The following ZNF136 variants were observed in gnomAD, a reference collection of about 807,000 sequenced individuals.
ZNF136 encodes the protein zinc finger protein 136, also known as zinc finger protein 136 (clone pHZ-20).
A neutral mutation model predicts 11.4 loss-of-function variants in ZNF136; 8 were observed. The observed-to-expected ratio is 0.70, with a 90% CI of 0.41 to 1.27. The LOEUF (loss-of-function observed/expected upper bound fraction) is 1.27. ZNF136 is among the 50% of genes most tolerant of loss of function. The pLI, the probability that ZNF136 is intolerant of heterozygous loss-of-function variation, is 0.01. For synonymous variants in ZNF136, 190 were observed against 207.1 expected (o/e 0.92, Z 0.71); for missense variants, 590 against 656.5 (o/e 0.90, Z 1.11).
chr19:12,179,616 G>T (rs928616097), intron 1 of ZNF136, among the ~76,000 whole-genome samples: 2 of 151,674 alleles, frequency 1.3e-5, no homozygotes, highest in African/African-American at 4.8e-5. Flanking sequence ...CAGCCCAAAA[G>T]AATTTCTTCT....
rs757168231 is a variant in ZNF136 at position 12,186,617 on chromosome 19, G to A, written c.239G>A (p.Arg80His). The A allele has an allele frequency of 3.4e-5, 55 of 1,614,074 alleles. No individual in the cohort carries two copies. In the Middle Eastern group the frequency reaches 4.9e-4, roughly 15 times the overall value. Residue 80 changes from arginine to histidine, a missense_variant, in exon 4 of 4, where the codon CGT becomes CAT. Arg to His is a conservative substitution (Grantham distance 29). Transcript: ENST00000343979. ...TATCAAACTAAGGATGGTAGTCAGCGTGGAGGAATTTTTAGCCAGTTTGCA... is the reference window on the plus strand; with the variant it reads ...TATCAAACTAAGGATGGTAGTCAGCATGGAGGAATTTTTAGCCAGTTTGCA... ...RLYQTKDGSQRGGIFSQFANQ... is the reference protein window; with the variant it reads ...RLYQTKDGSQHGGIFSQFANQ...
intron 1 of ZNF136, chr19:12,185,498 G>A (rs1441773569): frequency 3.8e-6 from 1 of 261,054 alleles, no homozygotes; most frequent in Admixed American, 5.3e-5. Flanking sequence ...CGTTATGACA[G>A]GTTCTACAGG....
intron 1 of ZNF136, among the ~76,000 whole-genome samples, chr19:12,176,654 G>T (rs553614970): frequency 1.3e-3 from 204 of 152,130 alleles, no homozygotes; most frequent in Non-Finnish European, 2.2e-3. Context: ...CTCCTTTTTT[G>T]TAACAGATCT....
At chr19:12,178,638 A>C (rs1267105504) in intron 1 of ZNF136, among the ~76,000 whole-genome samples, 1 of 152,320 alleles carries the variant, frequency 6.6e-6, no homozygotes, top group Non-Finnish European at 1.5e-5. Context: ...TTCCATTGCA[A>C]TCATGGATCA....
chr19:12,176,533 G>T lies in ZNF136; in HGVS notation c.4-9252G>T, dbSNP rs143809871. Reference sequence around the variant, plus strand: ...GTAGAGATGGGTTTTCACCATGTTGGCCAGGCTGGTCTCAAACTCCTGACC... The same window carrying T: ...GTAGAGATGGGTTTTCACCATGTTGTCCAGGCTGGTCTCAAACTCCTGACC... On this transcript the variant is annotated intron_variant, in intron 1 of 3. Transcript: ENST00000343979. Among the ~76,000 whole-genome samples the T allele has an allele frequency of 8.0e-3, 1,220 of 152,080 alleles. 5 individuals carry two copies. The highest frequency in any genetic ancestry group is 0.012 in the Non-Finnish European group (784 of 67,990).
intron 1 of ZNF136, among the ~76,000 whole-genome samples, chr19:12,182,315 A>G (rs1435771836): frequency 6.6e-6 from 1 of 152,158 alleles, no homozygotes; most frequent in Non-Finnish European, 1.5e-5. Flanking sequence ...CCCTTTGGAA[A>G]CTTTGCAGGG....
intron 1 of ZNF136, among the ~76,000 whole-genome samples, chr19:12,170,643 A>G (rs1297483797): frequency 6.6e-6 from 1 of 150,614 alleles, no homozygotes; most frequent in Non-Finnish European, 1.5e-5. Flanking sequence ...GGCATGAGCC[A>G]CTGTGCCCAG....
chr19:12,171,838 G>A (rs974640585), intron 1 of ZNF136, among the ~76,000 whole-genome samples: 1 of 151,954 alleles, frequency 6.6e-6, no homozygotes, highest in African/African-American at 2.4e-5. Context: ...TCTAGAGAGT[G>A]TATATTTAGG....
intron 1 of ZNF136, 126 bp downstream of exon 1, chr19:12,163,332 C>T: frequency 8.2e-7 from 1 of 1,215,708 alleles, no homozygotes; most frequent in Non-Finnish European, 1.1e-6. Context: ...GTCCCTCTGG[C>T]GCAGCTCAGC....
At position 12,170,076 on chromosome 19, in the gene ZNF136, G is replaced by A. The variant is rs979466860; in HGVS notation, c.3+6870G>A. 4.1e-5 allele frequency among the ~76,000 whole-genome samples: 6 copies of A among 145,128 alleles called. No homozygotes were observed. In the South Asian group the frequency reaches 8.9e-4, roughly 22 times the overall value. On this transcript the variant is annotated intron_variant, in intron 1 of 3. Transcript: ENST00000343979. ...CCCAAAGTGCTGGGATTACAGGCGT[G>A]AGCCACCACGCCCGGCCATTTTTTT... is the stretch of plus-strand genomic sequence containing the variant.
In ZNF136 at chr19:12,187,647, A is replaced by C. The variant is rs1266837509; in HGVS notation, c.1269A>C (p.Lys423Asn). The C allele has an allele frequency of 1.9e-6, 3 of 1,613,920 alleles. No individual in the cohort carries two copies. Among genetic ancestry groups the C allele is most frequent in the Non-Finnish European group, 2.5e-6 (3 of 1,179,998 alleles). The change falls in exon 4 of 4, where the codon AAA becomes AAC. Residue 423 changes from lysine to asparagine, a missense_variant. By Grantham distance (94) the Lys-to-Asn change is moderately conservative. Coordinates refer to ENST00000343979, the MANE Select transcript of ZNF136 (RefSeq NM_003437.5). ...THTGEKPYVC[K>N]HCGKAFVSST... ...CTGGAGAGAAACCTTATGTATGTAA[A>C]CATTGTGGTAAAGCTTTCGTTTCTT...
chr19:12,167,246 G>A (rs889975975), intron 1 of ZNF136, among the ~76,000 whole-genome samples: 1 of 152,232 alleles, frequency 6.6e-6, no homozygotes, highest in Non-Finnish European at 1.5e-5. Context: ...CATGATATGT[G>A]TAGGTTCTGT....
chr19:12,169,935 C>T (rs988939976), intron 1 of ZNF136, among the ~76,000 whole-genome samples: 3 of 152,160 alleles, frequency 2.0e-5, no homozygotes, highest in Non-Finnish European at 2.9e-5. Flanking sequence ...GCTGGGACTA[C>T]AGGCGCCTGC....
At chr19:12,179,493 TAG>T (rs1295324597) in intron 1 of ZNF136, among the ~76,000 whole-genome samples, 1 of 151,994 alleles carries the variant, frequency 6.6e-6, no homozygotes, top group Non-Finnish European at 1.5e-5. Context: ...GTATTTTTTA[TAG>T]AGACGGGGTT....
chr19:12,164,293 A>C (rs1977153798), intron 1 of ZNF136, among the ~76,000 whole-genome samples: 1 of 152,144 alleles, frequency 6.6e-6, no homozygotes, highest in East Asian at 1.9e-4. Flanking sequence ...GTGTGTTTTG[A>C]AAGAGTCTCG....
chr19:12,180,727 A>G (rs2145637694), intron 1 of ZNF136, among the ~76,000 whole-genome samples: 1 of 152,228 alleles, frequency 6.6e-6, no homozygotes, highest in East Asian at 1.9e-4. Flanking sequence ...TGCCTTTTTG[A>G]GGTTAACAAT....
chr19:12,175,902 A>G (rs1386854379), intron 1 of ZNF136, among the ~76,000 whole-genome samples: 3 of 152,322 alleles, frequency 2.0e-5, no homozygotes, highest in South Asian at 2.1e-4. Context: ...TACAGTATGT[A>G]GTCTTTTCAA....
At chr19:12,178,434 G>A (rs905514905) in intron 1 of ZNF136, among the ~76,000 whole-genome samples, 2 of 152,134 alleles carry the variant, frequency 1.3e-5, no homozygotes, top group Admixed American at 1.3e-4. Flanking sequence ...GGAAGATTGT[G>A]GGTCTTTCCT....
chr19:12,165,192 T>C (rs1008854014), intron 1 of ZNF136, among the ~76,000 whole-genome samples: 1 of 152,116 alleles, frequency 6.6e-6, no homozygotes, highest in Non-Finnish European at 1.5e-5. Context: ...AAAATGCACT[T>C]TGGGTACACA....
Sources: gnomAD v4.1 joint callset for allele counts (sites outside exome capture counted in the v4.1 genomes callset) on GRCh38, gnomAD v4.1.1 for gene constraint, MANE v1.5 for transcripts, NCBI Gene and HGNC (gene_info 2026-07-23, HGNC 2026-07-21) for gene names.